TBC1D7: variants seen among roughly 807,000 people sequenced by gnomAD.
TBC1D7 encodes the protein TBC domain family 7.
A neutral mutation model predicts 35.3 loss-of-function variants in TBC1D7; 33 were observed. That is an observed-to-expected ratio of 0.93 (90% confidence interval 0.71 to 1.25). The LOEUF (loss-of-function observed/expected upper bound fraction) is 1.25. TBC1D7 is among the 50% of genes most tolerant of loss of function. TBC1D7 has a pLI of 0.00. For missense variants in TBC1D7, 362 were observed against 365.3 expected, an observed-to-expected ratio of 0.99 and a Z score of 0.07; for synonymous variants, 135 against 129.5, an observed-to-expected ratio of 1.04 and a Z score of -0.29.
intron 5 of TBC1D7, among the ~76,000 whole-genome samples, chr6:13,309,112 T>C (rs923715100): frequency 6.6e-6 from 1 of 152,202 alleles, no homozygotes; most frequent in African/African-American, 2.4e-5. Context: ...TGCTCAACGG[T>C]TCCTAGAATT....
intron 5 of TBC1D7, among the ~76,000 whole-genome samples, chr6:13,313,853 T>C (rs1237059852): frequency 4.6e-5 from 7 of 152,222 alleles, no homozygotes; most frequent in Admixed American, 2.0e-4. Context: ...AAGTCAGGAC[T>C]GAAAACTAGT....
Position 13,305,139 on chromosome 6 carries a change from A to C in TBC1D7, c.844T>G (p.Trp282Gly). ...DAIVSKAIDL[W>G]HKHCGTPVHS... ...ACCGGGGTCCCACAGTGTTTGTGCC[A>C]CAAGTCAATGGCCTTGCTCACGATC... Residue 282 changes from tryptophan (W) to glycine (G), a missense_variant, in exon 8 of 8, where the codon TGG becomes GGG. Trp to Gly is a radical substitution (Grantham distance 184, BLOSUM62 -2). Coordinates refer to ENST00000379300, the MANE Select transcript of TBC1D7 (RefSeq NM_016495.6). The C allele has an allele frequency of 6.2e-7, 1 of 1,614,008 alleles. No homozygotes were observed. Among genetic ancestry groups the C allele is most frequent in the Non-Finnish European group, 8.5e-7 (1 of 1,179,944 alleles).
rs774519921 is a variant in TBC1D7, at chr6:13,325,164, T to C, written c.123A>G (p.Lys41=). ...LLKDDRLDTE[K]LCTFSQRFPL... Reference sequence around the variant, plus strand: ...GGAACCTCTGACTAAAAGTACAAAGTTTCTCAGTATCTAGAGGAAGAAGAA... The same window carrying C: ...GGAACCTCTGACTAAAAGTACAAAGCTTCTCAGTATCTAGAGGAAGAAGAA... Residue 41 remains lysine (K), a synonymous_variant, in exon 3 of 8, where the codon AAA becomes AAG. Transcript: ENST00000379300. The C allele has an allele frequency of 3.7e-6, 6 of 1,612,884 alleles. No homozygotes were observed. The South Asian group carries it at 4.4e-5, about 12-fold the overall frequency.
chr6:13,312,843 A>G (rs1469435394), intron 5 of TBC1D7, among the ~76,000 whole-genome samples: 2 of 151,976 alleles, frequency 1.3e-5, no homozygotes, highest in African/African-American at 4.8e-5. Flanking sequence ...AAAATTTTGT[A>G]CAACAAACAG....
Position 13,304,957 on chromosome 6 carries a change from TTAAA to T in TBC1D7, c.*140_*143del. The T allele has an allele frequency of 1.6e-6, 1 of 611,386 alleles. No homozygotes were observed. The highest frequency in any genetic ancestry group is 2.8e-6 in the Non-Finnish European group (1 of 361,438). The allele number at this position is 611,386 out of a possible 1,614,324, so 37.9% of individuals were successfully genotyped here. ...AACACAGCAACACCAGGCATTTCAA[TTAAA>T]TAATTTTATTGGGGGAAAAAAACCA... On this transcript the variant is annotated 3_prime_UTR_variant, in exon 8 of 8. Transcript: ENST00000379300.
At chr6:13,309,873 A>T (rs371328347) in intron 5 of TBC1D7, among the ~76,000 whole-genome samples, 31 of 152,338 alleles carry the variant, frequency 2.0e-4, no homozygotes, top group African/African-American at 7.2e-4. Context: ...GAAGGAAAAA[A>T]GCCAAGAACT....
At chr6:13,312,789 C>CA (rs34194566) in intron 5 of TBC1D7, among the ~76,000 whole-genome samples, 4,561 of 122,152 alleles carry the variant, frequency 0.037, 105 homozygotes, top group African/African-American at 0.06. Context: ...CACAAAAAAG[C>CA]AAAAAAAAAA....
At chr6:13,310,354 T>C (rs948998848) in intron 5 of TBC1D7, among the ~76,000 whole-genome samples, 2 of 152,202 alleles carry the variant, frequency 1.3e-5, no homozygotes, top group African/African-American at 4.8e-5. Context: ...GAATATTTTG[T>C]AGGCTGGGCG....
chr6:13,328,450 G>T lies in TBC1D7; in HGVS notation c.-163C>A. Reference sequence around the variant, plus strand: ...TCCTGCGGGAAGGAGGGAGGCGGCGGGGTACCTGGGACACCCGCGCGCGCC... The same window carrying T: ...TCCTGCGGGAAGGAGGGAGGCGGCGTGGTACCTGGGACACCCGCGCGCGCC... On this transcript the variant is annotated 5_prime_UTR_variant, in exon 1 of 8. Coordinates refer to ENST00000379300, the MANE Select transcript of TBC1D7 (RefSeq NM_016495.6). 6.6e-6 allele frequency: 1 copy of T among 150,964 alleles called. No homozygotes were observed. The highest frequency in any genetic ancestry group is 1.7e-4 in the South Asian group (1 of 5,742). The allele number at this position is 150,964 out of a possible 1,614,324, so 9.4% of individuals were successfully genotyped here. A position where few individuals can be genotyped will look rare whatever the true frequency, so the allele number is the denominator to read the frequency against.
intron 5 of TBC1D7, among the ~76,000 whole-genome samples, chr6:13,315,888 C>T (rs189690612): frequency 1.1e-4 from 17 of 152,318 alleles, no homozygotes; most frequent in Admixed American, 3.9e-4. Flanking sequence ...TTCTCCTAAA[C>T]CTACACTACT....
chr6:13,328,201 A>G (rs1314353797), intron 1 of TBC1D7, 95 bp downstream of exon 1: 1 of 152,226 alleles, frequency 6.6e-6, no homozygotes, highest in African/African-American at 2.4e-5. Context: ...GCTGCAAATA[A>G]TATCTCCTGC....
intron 5 of TBC1D7, among the ~76,000 whole-genome samples, chr6:13,308,964 G>A (rs1783000964): frequency 6.6e-6 from 1 of 152,226 alleles, no homozygotes; most frequent in African/African-American, 2.4e-5. Context: ...TCTCAGGAGA[G>A]GTGACATTTG....
At chr6:13,316,231 T>C (rs1484508281) in intron 5 of TBC1D7, among the ~76,000 whole-genome samples, 1 of 152,220 alleles carries the variant, frequency 6.6e-6, no homozygotes, top group African/African-American at 2.4e-5. Flanking sequence ...GGGATTACTC[T>C]AGACCAGCGG....
intron 3 of TBC1D7, 124 bp from the exon 4 acceptor site, chr6:13,321,219 T>A (rs1357832176): frequency 2.8e-6 from 2 of 723,836 alleles, no homozygotes; most frequent in Non-Finnish European, 4.6e-6. Context: ...CACGCAGACA[T>A]TCAAGTACCA....
chr6:13,317,226 G>A (rs2496131), intron 4 of TBC1D7, among the ~76,000 whole-genome samples: 45,364 of 152,086 alleles, frequency 0.3, 7,121 homozygotes, highest in South Asian at 0.42. Flanking sequence ...AAGTTAAAAT[G>A]TTCCTAGAAT....
At chr6:13,325,525 T>C (rs1266951836) in intron 2 of TBC1D7, among the ~76,000 whole-genome samples, 1 of 152,166 alleles carries the variant, frequency 6.6e-6, no homozygotes, top group East Asian at 1.9e-4. Flanking sequence ...TGGCTGGGTA[T>C]GGTGGCACAC....
At chr6:13,307,203 C>A (rs540116085) in intron 6 of TBC1D7, 2 of 182,004 alleles carry the variant, frequency 1.1e-5, no homozygotes, top group South Asian at 2.1e-4. Flanking sequence ...TCCGAAATAC[C>A]CAGACATGTC....
chr6:13,326,707 G>T, intron 2 of TBC1D7, 80 bp downstream of exon 2: 1 of 814,372 alleles, frequency 1.2e-6, no homozygotes, highest in Non-Finnish European at 1.9e-6. Flanking sequence ...AATGCTTCTG[G>T]ATGTCTTTTA....
intron 3 of TBC1D7, among the ~76,000 whole-genome samples, chr6:13,324,112 G>GTT (rs924875532): frequency 5.3e-5 from 8 of 149,846 alleles, no homozygotes; most frequent in African/African-American, 2.0e-4. Context: ...CAAACTGTAA[G>GTT]TTTTTTTTTG....
Sources: allele counts gnomAD v4.1 joint callset (sites outside exome capture counted in the v4.1 genomes callset), GRCh38; gene constraint gnomAD v4.1.1; transcripts MANE v1.5; gene names NCBI Gene and HGNC (gene_info 2026-07-23, HGNC 2026-07-21).